The following KIAA1217 variants were observed in gnomAD, a reference collection of about 807,000 sequenced individuals.
The protein encoded by KIAA1217 is sickle tail protein homolog.
A neutral mutation model predicts 163.9 loss-of-function variants in KIAA1217; 88 were observed. That is an observed-to-expected ratio of 0.54 (90% confidence interval 0.45 to 0.64). KIAA1217 has a LOEUF of 0.64. Among genes scored for constraint, KIAA1217 ranks in the 30% least tolerant of loss-of-function variants. The pLI is 0.00. For missense variants in KIAA1217, 2,372 were observed against 2,475.0 expected, an observed-to-expected ratio of 0.96 and a Z score of 0.88; for synonymous variants, 903 against 923.1, an observed-to-expected ratio of 0.98 and a Z score of 0.39.
intron 2 of KIAA1217, among the ~76,000 whole-genome samples, chr10:24,231,618 GGTCAATGATCAGGAACA>G (rs1481940310): frequency 1.3e-5 from 2 of 151,974 alleles, no homozygotes; most frequent in Non-Finnish European, 2.9e-5. Flanking sequence ...ATCAGGATGT[GGTCAATGATCAGGAACA>G]ATAGTCATTT....
At chr10:24,423,743 C>T (rs547960536) in intron 3 of KIAA1217, among the ~76,000 whole-genome samples, 1 of 152,170 alleles carries the variant, frequency 6.6e-6, no homozygotes, top group Non-Finnish European at 1.5e-5. Context: ...ACCGTGTTGC[C>T]CAGGTTGGTC....
intron 1 of KIAA1217, among the ~76,000 whole-genome samples, chr10:23,987,420 A>T (rs200552460): frequency 0.19 from 26,624 of 142,516 alleles, 3,145 homozygotes; most frequent in Middle Eastern, 0.27. Context: ...TGTTTTTTTA[A>T]AAAAAAACCC....
intron 2 of KIAA1217, among the ~76,000 whole-genome samples, chr10:24,175,673 A>C (rs2065848792): frequency 6.6e-6 from 1 of 152,148 alleles, no homozygotes; most frequent in South Asian, 2.1e-4. Context: ...GTGTGTCCAG[A>C]GTTTGCTCCT....
intron 1 of KIAA1217, among the ~76,000 whole-genome samples, chr10:23,923,372 G>A (rs1351272697): frequency 6.6e-6 from 1 of 152,188 alleles, no homozygotes; most frequent in African/African-American, 2.4e-5. Flanking sequence ...TGGTGAGAAA[G>A]TCACACTGTG....
At chr10:23,932,869 A>G (rs1274519057) in intron 1 of KIAA1217, among the ~76,000 whole-genome samples, 1 of 152,246 alleles carries the variant, frequency 6.6e-6, no homozygotes, top group Non-Finnish European at 1.5e-5. Context: ...AAGCAAAAAT[A>G]AATAAGAATA....
At chr10:23,769,983 C>A (rs1316411693) in intron 1 of KIAA1217, among the ~76,000 whole-genome samples, 1 of 152,154 alleles carries the variant, frequency 6.6e-6, no homozygotes, top group East Asian at 1.9e-4. Flanking sequence ...TAATTATAGG[C>A]ATTTACAAAT....
chr10:23,725,450 C>G (rs2130774254), intron 1 of KIAA1217, among the ~76,000 whole-genome samples: 1 of 152,318 alleles, frequency 6.6e-6, no homozygotes, highest in Admixed American at 6.5e-5. Context: ...TTATACTTCC[C>G]CCATCCTTTA....
chr10:24,471,114 T>G (rs2063467099), intron 5 of KIAA1217, among the ~76,000 whole-genome samples: 1 of 152,200 alleles, frequency 6.6e-6, no homozygotes, highest in Non-Finnish European at 1.5e-5. Context: ...ATCCTGTGCA[T>G]TAGGCTCTGT....
chr10:24,354,181 C>A (rs954664910), intron 2 of KIAA1217, among the ~76,000 whole-genome samples: 1 of 152,162 alleles, frequency 6.6e-6, no homozygotes, highest in African/African-American at 2.4e-5. Flanking sequence ...GAAATGGTAG[C>A]ATTCTCTTAT....
intron 1 of KIAA1217, among the ~76,000 whole-genome samples, chr10:23,898,918 T>C (rs933576669): frequency 6.6e-6 from 1 of 152,120 alleles, no homozygotes; most frequent in African/African-American, 2.4e-5. Context: ...TTCCTTCCTT[T>C]TAAAGGCAAA....
intron 2 of KIAA1217, among the ~76,000 whole-genome samples, chr10:24,317,877 A>G (rs1265895834): frequency 1.3e-5 from 2 of 152,348 alleles, no homozygotes; most frequent in East Asian, 3.9e-4. Context: ...TCAAAAGAAA[A>G]GATGTATTTT....
intron 2 of KIAA1217, among the ~76,000 whole-genome samples, chr10:24,114,488 A>G (rs2131753018): frequency 6.6e-6 from 1 of 152,254 alleles, no homozygotes; most frequent in Admixed American, 6.5e-5. Flanking sequence ...AGTGCTTTCT[A>G]TACACAGCAC....
At chr10:23,817,174 C>T (rs892197821) in intron 1 of KIAA1217, among the ~76,000 whole-genome samples, 2 of 152,026 alleles carry the variant, frequency 1.3e-5, no homozygotes, top group Non-Finnish European at 2.9e-5. Flanking sequence ...TTAATTGGTA[C>T]TTACCTGGGA....
intron 2 of KIAA1217, among the ~76,000 whole-genome samples, chr10:24,200,341 T>C (rs1241032946): frequency 6.6e-6 from 1 of 152,028 alleles, no homozygotes; most frequent in Non-Finnish European, 1.5e-5. Context: ...TTTGTAAAGA[T>C]GAGGTCTCGC....
At chr10:24,172,586 A>G (rs146096932) in intron 2 of KIAA1217, among the ~76,000 whole-genome samples, 61 of 152,360 alleles carry the variant, frequency 4.0e-4, no homozygotes, top group African/African-American at 1.1e-3. Flanking sequence ...AGCCATTGTG[A>G]GATTAAATGA....
At chr10:24,369,189 G>T (rs1379604168) in intron 2 of KIAA1217, among the ~76,000 whole-genome samples, 2 of 145,842 alleles carry the variant, frequency 1.4e-5, no homozygotes, top group Non-Finnish European at 3.0e-5. Flanking sequence ...ATGTGTGTGT[G>T]TGTGTGTGTG....
chr10:24,542,164 G>A (rs2075196972), intron 17 of KIAA1217, among the ~76,000 whole-genome samples: 1 of 152,224 alleles, frequency 6.6e-6, no homozygotes, highest in African/African-American at 2.4e-5. Context: ...AACAGAAGCA[G>A]AGGGAGGACT....
chr10:24,048,449 G>C (rs1338246787), intron 2 of KIAA1217, among the ~76,000 whole-genome samples: 1 of 152,230 alleles, frequency 6.6e-6, no homozygotes, highest in African/African-American at 2.4e-5. Context: ...TTTTCGCCCA[G>C]GTTGGGCACG....
chr10:23,837,698 T>A (rs1838549558), intron 1 of KIAA1217, among the ~76,000 whole-genome samples: 1 of 152,112 alleles, frequency 6.6e-6, no homozygotes, highest in Non-Finnish European at 1.5e-5. Context: ...TATGCTTGGC[T>A]AATTTTGTTG....
Sources: gnomAD v4.1 joint callset for allele counts (sites outside exome capture counted in the v4.1 genomes callset) on GRCh38, gnomAD v4.1.1 for gene constraint, MANE v1.5 for transcripts, NCBI Gene and HGNC (gene_info 2026-07-23, HGNC 2026-07-21) for gene names.